The following NUP153 variants were observed in gnomAD, a reference collection of about 807,000 sequenced individuals.
NUP153 encodes the protein nuclear pore complex protein Nup153.
Under a neutral mutation model 134.6 loss-of-function variants are expected in NUP153, and 27 were observed. The observed-to-expected ratio is 0.20, with a 90% CI of 0.15 to 0.28. The LOEUF (loss-of-function observed/expected upper bound fraction) is 0.28, where lower values mean the gene tolerates loss of function less well. Among genes scored for constraint, NUP153 ranks in the 10% least tolerant of loss-of-function variants. NUP153 has a pLI of 1.00. For synonymous variants in NUP153, 640 were observed against 623.5 expected, an observed-to-expected ratio of 1.03 and a Z score of -0.40; for missense variants, 1,821 against 1,731.3, an observed-to-expected ratio of 1.05 and a Z score of -0.92.
At chr6:17,695,323 T>A (rs1769567323) in intron 1 of NUP153, among the ~76,000 whole-genome samples, 1 of 152,204 alleles carries the variant, frequency 6.6e-6, no homozygotes, top group Non-Finnish European at 1.5e-5. Flanking sequence ...TTTATTTTAA[T>A]AAGCTCTTGA....
intron 11 of NUP153, among the ~76,000 whole-genome samples, chr6:17,653,470 G>A (rs1240510682): frequency 6.6e-6 from 1 of 152,074 alleles, no homozygotes; most frequent in African/African-American, 2.4e-5. Context: ...CTGCTAAGAG[G>A]GATATAAAAT....
chr6:17,618,628 C>T (rs1000173662), intron 20 of NUP153, among the ~76,000 whole-genome samples: 11 of 148,918 alleles, frequency 7.4e-5, no homozygotes, highest in Admixed American at 3.4e-4. Flanking sequence ...TGCAGTGGCA[C>T]GGTCTCAGCT....
chr6:17,688,107 G>A (rs1581765715), intron 2 of NUP153, among the ~76,000 whole-genome samples: 1 of 151,884 alleles, frequency 6.6e-6, no homozygotes, highest in African/African-American at 2.4e-5. Context: ...CACAGAGCGA[G>A]ACTCCGTCTC....
chr6:17,694,225 AGTATTGATT>A (rs1407408799), intron 1 of NUP153, among the ~76,000 whole-genome samples: 2 of 152,214 alleles, frequency 1.3e-5, no homozygotes, highest in Non-Finnish European at 2.9e-5. Context: ...GTGATCAGCA[AGTATTGATT>A]GAATGAAGAA....
At chr6:17,683,980 C>G (rs1189039424) in intron 2 of NUP153, among the ~76,000 whole-genome samples, 2 of 152,130 alleles carry the variant, frequency 1.3e-5, no homozygotes, top group African/African-American at 4.8e-5. Flanking sequence ...TGGTACCCTA[C>G]CCAAGGTAGT....
rs1770499202 is a variant in NUP153, at chr6:17,706,339, G to A, written c.49C>T (p.Arg17Trp). ...GVGGGGGGKI[R>W]TRRCHQGPIK... Reference sequence around the variant, plus strand: ...GGCCCCTGGTGGCAACGCCGCGTCCGGATCTTGCCGCCACCGCCCCCTCCG... The same window carrying A: ...GGCCCCTGGTGGCAACGCCGCGTCCAGATCTTGCCGCCACCGCCCCCTCCG... Residue 17 changes from arginine to tryptophan, a missense_variant, in exon 1 of 22, where the codon CGG becomes TGG. Physicochemically the swap from Arg to Trp is moderately radical, Grantham distance 101. Coordinates refer to ENST00000262077, the MANE Select transcript of NUP153 (RefSeq NM_005124.4). The surrounding 1 kb of genome is among the most constrained non-coding windows in gnomAD (Gnocchi z 5.9). 6.2e-7 allele frequency: 1 copy of A among 1,613,334 alleles called. No individual in the cohort carries two copies. The highest frequency in any genetic ancestry group is 1.3e-5 in the African/African-American group (1 of 74,878).
chr6:17,706,242 A>G lies in NUP153; in HGVS notation c.111+35T>C, dbSNP rs1356912290. 1 of 1,555,762 alleles carries G rather than the reference A, an allele frequency of 6.4e-7. No individual in the cohort carries two copies. The highest frequency in any genetic ancestry group is 1.4e-5 in the African/African-American group (1 of 73,538). On this transcript the variant is annotated intron_variant, in intron 1 of 21. Coordinates refer to ENST00000262077, the MANE Select transcript of NUP153 (RefSeq NM_005124.4). The surrounding 1 kb of genome is among the most constrained non-coding windows in gnomAD (Gnocchi z 5.9). ...CCGTCCCCTCCAGCCGAGTTTCCCC[A>G]CCCGCCAGGCCACCGCGGCGTCGGG... is the stretch of plus-strand genomic sequence containing the variant.
intron 5 of NUP153, among the ~76,000 whole-genome samples, chr6:17,670,348 T>C (rs1767826300): frequency 6.6e-6 from 1 of 152,188 alleles, no homozygotes; most frequent in Admixed American, 6.5e-5. Context: ...TGCCAATATA[T>C]GTATATAAAT....
chr6:17,699,920 A>G (rs1305363283), intron 1 of NUP153, among the ~76,000 whole-genome samples: 1 of 152,218 alleles, frequency 6.6e-6, no homozygotes, highest in Non-Finnish European at 1.5e-5. Flanking sequence ...CTGCCTTGTC[A>G]GGGACTTCCC....
In NUP153 at chr6:17,674,313, ATG is replaced by A. The variant is rs1768086884; in HGVS notation, c.852+590_852+591del. Among the ~76,000 whole-genome samples, 3 of 152,300 alleles carry A rather than the reference ATG, an allele frequency of 2.0e-5. No individual in the cohort carries two copies. In the South Asian group the frequency reaches 6.2e-4, roughly 32 times the overall value. On this transcript the variant is annotated intron_variant, in intron 5 of 21. Transcript: ENST00000262077. ...CTCTAAAACAATGAAAAATTGTAGT[ATG>A]TGTAATTTATACGTCATTTAAAAAA... is the stretch of plus-strand genomic sequence containing the variant.
In NUP153 at chr6:17,654,609, C is replaced by T. The variant is rs73369307; in HGVS notation, c.1396-5309G>A. On this transcript the variant is annotated intron_variant, in intron 11 of 21. Transcript: ENST00000262077. ...TGCTGCGATTACAGGCATGAACCAC[C>T]GCGCCCAGCTGACCTTGAACCAATT... Among the ~76,000 whole-genome samples, 1,012 of 152,250 alleles carry T rather than the reference C, an allele frequency of 6.6e-3. 11 individuals are homozygous for T. The highest frequency in any genetic ancestry group is 0.023 in the African/African-American group (964 of 41,538).
chr6:17,617,824 A>G (rs1764416403), intron 20 of NUP153, among the ~76,000 whole-genome samples: 1 of 152,098 alleles, frequency 6.6e-6, no homozygotes, highest in African/African-American at 2.4e-5. Context: ...CAGCCTGGGA[A>G]ACAGAGTGAG....
chr6:17,678,536 C>T (rs13362635), intron 2 of NUP153, among the ~76,000 whole-genome samples: 2,222 of 152,114 alleles, frequency 0.015, 58 homozygotes, highest in African/African-American at 0.05. Flanking sequence ...CTATATTAAA[C>T]GCTGAATGAT....
chr6:17,690,511 T>C (rs1277501160), intron 1 of NUP153, among the ~76,000 whole-genome samples: 1 of 152,104 alleles, frequency 6.6e-6, no homozygotes, highest in African/African-American at 2.4e-5. Flanking sequence ...GAAAATCAAA[T>C]GAAATAATGT....
rs891081583 is a variant in NUP153, at chr6:17,649,270, A to G, written c.1426T>C (p.Ser476Pro). ...EMEVPVLPKI[S>P]LPITSSSLPT... Reference sequence around the variant, plus strand: ...AGTGAAGAACTGGTGATCGGTAGAGAGATTTTCGGTAATACTGGAACTTCC... The same window carrying G: ...AGTGAAGAACTGGTGATCGGTAGAGGGATTTTCGGTAATACTGGAACTTCC... Residue 476 changes from serine to proline, a missense_variant, in exon 12 of 22, where the codon TCT (serine) becomes CCT (proline). Physicochemically the swap from Ser to Pro is moderately conservative, Grantham distance 74 (BLOSUM62 -1). Coordinates refer to ENST00000262077, the MANE Select transcript of NUP153 (RefSeq NM_005124.4). 4 of 1,613,356 alleles carry G rather than the reference A, an allele frequency of 2.5e-6. No individual in the cohort carries two copies. The highest frequency in any genetic ancestry group is 3.4e-6 in the Non-Finnish European group (4 of 1,179,818).
chr6:17,661,985 A>G, intron 10 of NUP153, 33 bp downstream of exon 10: 1 of 1,470,332 alleles, frequency 6.8e-7, no homozygotes. Context: ...AGTTAAATAT[A>G]AAGAAGTATA....
chr6:17,667,497 G>A (rs988430542), intron 8 of NUP153, among the ~76,000 whole-genome samples: 19 of 152,074 alleles, frequency 1.2e-4, no homozygotes, highest in Non-Finnish European at 2.2e-4. Flanking sequence ...GGCGGATCAC[G>A]AGGTCAAGAG....
chr6:17,673,927 G>A (rs1768063039), intron 5 of NUP153, among the ~76,000 whole-genome samples: 1 of 152,176 alleles, frequency 6.6e-6, no homozygotes, highest in East Asian at 1.9e-4. Context: ...ATAATTGCCA[G>A]AAACTGGAAA....
At chr6:17,617,313 T>G (rs182074372) in intron 20 of NUP153, among the ~76,000 whole-genome samples, 4 of 152,086 alleles carry the variant, frequency 2.6e-5, no homozygotes, top group Admixed American at 2.0e-4. Flanking sequence ...ACAAGGGATT[T>G]TTACAAAGAT....
Sources: gnomAD v4.1 joint callset for allele counts (sites outside exome capture counted in the v4.1 genomes callset) on GRCh38, gnomAD v4.1.1 for gene constraint, Gnocchi (gnomAD v3.1) non-coding constraint, MANE v1.5 for transcripts, NCBI Gene and HGNC (gene_info 2026-07-23, HGNC 2026-07-21) for gene names.